The following ACTR3C variants were observed in gnomAD, a reference collection of about 807,000 sequenced individuals.
ACTR3C encodes the protein actin related protein 3C, also known as actin-related protein 3C.
ACTR3C carries 18 observed loss-of-function variants against 26.3 expected under a neutral mutation model. The observed-to-expected ratio is 0.68, with a 90% CI of 0.47 to 1.01. The LOEUF (loss-of-function observed/expected upper bound fraction) is 1.01, where lower values mean the gene tolerates loss of function less well. ACTR3C is among the 50% of genes least tolerant of loss of function. The pLI is 0.00. For missense variants in ACTR3C, 184 were observed against 250.7 expected, an observed-to-expected ratio of 0.73 and a Z score of 1.80; for synonymous variants, 55 against 94.5, an observed-to-expected ratio of 0.58 and a Z score of 2.42.
At chr7:150,163,061 G>A in the ACTR3C span, among the ~76,000 whole-genome samples, 1 of 152,068 alleles carries the variant, frequency 6.6e-6, no homozygotes, top group South Asian at 2.1e-4. Flanking sequence ...GGCTGAGGCA[G>A]GAGAATTTCT....
At chr7:149,993,507 C>A in the ACTR3C span, among the ~76,000 whole-genome samples, 6 of 152,270 alleles carry the variant, frequency 3.9e-5, no homozygotes, top group South Asian at 1.2e-3. Context: ...GAACCTAATG[C>A]CATCAGTATG....
chr7:150,025,050 T>G, the ACTR3C span, among the ~76,000 whole-genome samples: 1 of 151,586 alleles, frequency 6.6e-6, no homozygotes, highest in Non-Finnish European at 1.5e-5. Context: ...GATAAGCAAT[T>G]GATTCTTCAA....
chr7:150,037,082 C>T, the ACTR3C span, among the ~76,000 whole-genome samples: 1,132 of 73,152 alleles, frequency 0.015, 8 homozygotes, highest in African/African-American at 0.025. Context: ...GCCTCCCCCT[C>T]GTGCGATGGG....
the ACTR3C span, among the ~76,000 whole-genome samples, chr7:149,995,735 C>A: frequency 2.0e-5 from 3 of 150,472 alleles, no homozygotes; most frequent in African/African-American, 7.5e-5. Flanking sequence ...AGACAAGAGG[C>A]GGACCTCTGG....
the ACTR3C span, among the ~76,000 whole-genome samples, chr7:150,039,741 G>T: frequency 6.1e-3 from 832 of 136,762 alleles, no homozygotes; most frequent in Middle Eastern, 0.028. Flanking sequence ...CTCGCGGGGG[G>T]TGCCTCCCCC....
the ACTR3C span, among the ~76,000 whole-genome samples, chr7:150,122,634 TTGG>T: frequency 6.6e-6 from 1 of 152,188 alleles, no homozygotes; most frequent in African/African-American, 2.4e-5. Context: ...TTTTACACTG[TTGG>T]TGGGAGTATA....
At chr7:150,189,404 C>T in the ACTR3C span, among the ~76,000 whole-genome samples, 4 of 152,042 alleles carry the variant, frequency 2.6e-5, no homozygotes, top group East Asian at 1.9e-4. Context: ...TGTGTGTGCA[C>T]GTTAAGTTAC....
chr7:149,904,338 T>G, the ACTR3C span, among the ~76,000 whole-genome samples: 3 of 151,330 alleles, frequency 2.0e-5, no homozygotes, highest in Middle Eastern at 6.8e-3. Flanking sequence ...AAGACCAGCC[T>G]GGCCAACATA....
At chr7:150,136,232 G>A in the ACTR3C span, among the ~76,000 whole-genome samples, 1 of 152,224 alleles carries the variant, frequency 6.6e-6, no homozygotes, top group Non-Finnish European at 1.5e-5. Flanking sequence ...TAGATGGCCG[G>A]TGCTGCTAGG....
At chr7:150,262,832 G>A (rs1309686232) in intron 6 of ACTR3C, among the ~76,000 whole-genome samples, 1 of 152,230 alleles carries the variant, frequency 6.6e-6, no homozygotes, top group Non-Finnish European at 1.5e-5. Flanking sequence ...CAGGATTTCA[G>A]ATGGGTATTG....
the ACTR3C span, among the ~76,000 whole-genome samples, chr7:149,904,949 C>T: frequency 6.6e-6 from 1 of 152,064 alleles, no homozygotes; most frequent in East Asian, 1.9e-4. Context: ...TCATTTGAAC[C>T]TGGGAGGCGG....
At chr7:150,150,032 T>A in the ACTR3C span, among the ~76,000 whole-genome samples, 4 of 152,130 alleles carry the variant, frequency 2.6e-5, no homozygotes, top group African/African-American at 9.7e-5. Context: ...GGTGACCAAC[T>A]CTTCTTTCTT....
intron 6 of ACTR3C, among the ~76,000 whole-genome samples, chr7:150,282,092 C>T (rs1019795754): frequency 7.0e-6 from 1 of 143,084 alleles, no homozygotes; most frequent in Admixed American, 6.7e-5. Flanking sequence ...AAGTCCCTTT[C>T]TTCGTGGCTA....
At chr7:149,978,110 T>A in the ACTR3C span, among the ~76,000 whole-genome samples, 1 of 151,912 alleles carries the variant, frequency 6.6e-6, no homozygotes, top group Non-Finnish European at 1.5e-5. Flanking sequence ...TTTGCCTTCT[T>A]TCCACTTCTG....
At chr7:150,245,725 C>G (rs1457279945), downstream of ACTR3C, 1 of 152,180 alleles carries the variant, frequency 6.6e-6, no homozygotes, top group Non-Finnish European at 1.5e-5. Flanking sequence ...TTTGTTCTAC[C>G]TTAGCCGGTG....
chr7:150,235,111 C>T, the ACTR3C span, among the ~76,000 whole-genome samples: 7 of 152,226 alleles, frequency 4.6e-5, no homozygotes, highest in Non-Finnish European at 8.8e-5. Flanking sequence ...CCTACTATAA[C>T]TCCCATCACT....
At chr7:150,266,495 A>G (rs1273439929) in intron 6 of ACTR3C, among the ~76,000 whole-genome samples, 1 of 152,064 alleles carries the variant, frequency 6.6e-6, no homozygotes, top group Non-Finnish European at 1.5e-5. Context: ...ACCATTTTTT[A>G]AAAACTTCGT....
chr7:150,283,362 A>G (rs1376645273), intron 6 of ACTR3C, among the ~76,000 whole-genome samples: 1 of 150,066 alleles, frequency 6.7e-6, no homozygotes, highest in Non-Finnish European at 1.5e-5. Flanking sequence ...TGTATTTTGT[A>G]TTAGACAAGT....
chr7:150,312,481 A>G (rs1246377086), intron 1 of ACTR3C, among the ~76,000 whole-genome samples: 2 of 152,208 alleles, frequency 1.3e-5, no homozygotes, highest in Non-Finnish European at 2.9e-5. Flanking sequence ...TTGGTATGTA[A>G]AACATTATTC....
Sources: allele counts gnomAD v4.1 joint callset (sites outside exome capture counted in the v4.1 genomes callset), GRCh38; gene constraint gnomAD v4.1.1; transcripts MANE v1.5; gene names NCBI Gene and HGNC (gene_info 2026-07-23, HGNC 2026-07-21).